Variants in BIRC6 observed in about 807,000 individuals in gnomAD.
The protein encoded by BIRC6 is baculoviral IAP repeat containing 6, also known as dual E2 ubiquitin-conjugating enzyme/E3 ubiquitin-protein ligase BIRC6.
A neutral mutation model predicts 503.3 loss-of-function variants in BIRC6; 98 were observed. That is an observed-to-expected ratio of 0.19 (90% CI 0.17 to 0.23). The LOEUF (loss-of-function observed/expected upper bound fraction) is 0.23, where lower values mean the gene tolerates loss of function less well. BIRC6 is among the 10% of genes least tolerant of loss of function. The pLI, the probability that BIRC6 is intolerant of heterozygous loss-of-function variation, is 1.00. For synonymous variants in BIRC6, 2,240 were observed against 2,078.7 expected (o/e 1.08, Z -2.11); for missense variants, 5,360 against 5,806.0 (o/e 0.92, Z 2.50).
At chr2:32,450,207 G>A (rs1344263457) in intron 22 of BIRC6, among the ~76,000 whole-genome samples, 5 of 152,106 alleles carry the variant, frequency 3.3e-5, no homozygotes, top group East Asian at 1.9e-4. Flanking sequence ...GGCCGGGCAC[G>A]GTGGCTCACG....
At chr2:32,548,056 T>C (rs777121026) in intron 64 of BIRC6, 42 bp downstream of exon 64, 2 of 1,484,432 alleles carry the variant, frequency 1.3e-6, no homozygotes, top group Non-Finnish European at 1.8e-6. Context: ...AATGGCTTTT[T>C]TTTTGTATTT....
chr2:32,404,587 T>G (rs1181524317), intron 8 of BIRC6, among the ~76,000 whole-genome samples: 1 of 152,162 alleles, frequency 6.6e-6, no homozygotes, highest in Non-Finnish European at 1.5e-5. Context: ...GTGCTGGGAT[T>G]ATAGGTGTGA....
chr2:32,394,425 A>G (rs182087465), intron 5 of BIRC6, among the ~76,000 whole-genome samples: 1 of 152,148 alleles, frequency 6.6e-6, no homozygotes, highest in East Asian at 1.9e-4. Context: ...TATATATAGC[A>G]TTTTGTCCTA....
intron 16 of BIRC6, 61 bp from the exon 17 acceptor site, chr2:32,441,268 A>G (rs578186651): frequency 1.7e-5 from 20 of 1,204,706 alleles, no homozygotes; most frequent in African/African-American, 9.3e-5. Context: ...TATAACTTCA[A>G]TGGTAAATGA....
intron 54 of BIRC6, 73 bp from the exon 55 acceptor site, chr2:32,514,917 T>C (rs1336686396): frequency 8.2e-7 from 1 of 1,221,310 alleles, no homozygotes; most frequent in Non-Finnish European, 1.1e-6. Flanking sequence ...CTTTGAACTA[T>C]AACAGAAATA....
chr2:32,413,449 G>A (rs1336731982), intron 9 of BIRC6, among the ~76,000 whole-genome samples: 2 of 151,952 alleles, frequency 1.3e-5, no homozygotes, highest in African/African-American at 4.8e-5. Flanking sequence ...CAAAGTGCTG[G>A]GATTACAGGC....
intron 1 of BIRC6, among the ~76,000 whole-genome samples, chr2:32,360,020 C>T (rs1216474331): frequency 6.6e-6 from 1 of 152,208 alleles, no homozygotes. Flanking sequence ...TAGAGGGTGA[C>T]AGCCCTATAA....
chr2:32,491,966 A>T (rs2051779351), intron 44 of BIRC6, among the ~76,000 whole-genome samples: 1 of 152,110 alleles, frequency 6.6e-6, no homozygotes, highest in African/African-American at 2.4e-5. Context: ...TGCTTAGCAA[A>T]AGATAACAAT....
Position 32,549,348 on chromosome 2 carries a change from G to A in BIRC6, c.13011G>A (p.Ala4337=), listed in dbSNP as rs745575386. 20 of 1,476,944 alleles carry A rather than the reference G, an allele frequency of 1.4e-5. No homozygotes were observed. The highest frequency in any genetic ancestry group is 9.6e-5 in the African/African-American group (7 of 72,550). The allele number at this position is 1,476,944 out of a possible 1,614,324, so 91.5% of individuals were successfully genotyped here. Residue 4337 remains alanine, a synonymous_variant, in exon 65 of 74, where the codon GCG becomes GCA. Transcript: ENST00000421745. The part of the protein sequence containing the change: ...LASYINPVSS[A]VNGEAQSSHE... ...GTTACATAAATCCCGTCAGTAGTGC[G>A]GTAAATGGAGAAGCTCAGTCATCTC...
rs954601032 is a variant in BIRC6, at chr2:32,401,449, T to C, written c.1258-14T>C. On this transcript the variant is annotated splice_polypyrimidine_tract_variant and intron_variant, in intron 7 of 73. Transcript: ENST00000421745. ...AAAAGATCAGTTGTAAACTTAGGCT[T>C]TTCATTTGTTTAGGTGCACTTAAAG... 4.3e-6 allele frequency: 7 copies of C among 1,612,972 alleles called. No individual in the cohort carries two copies. In the African/African-American group the frequency reaches 8.0e-5, roughly 18 times the overall value.
Position 32,607,583 on chromosome 2 carries a change from A to G in BIRC6, c.14199A>G (p.Gln4733=). The part of the protein sequence containing the change: ...SSREYDGNIR[Q]ATVKWAMLEQ... ...GAGAATATGATGGAAACATTCGACA[A>G]GCAACAGTTAAGTGGGCAATGCTAG... The change falls in exon 72 of 74, where the codon CAA becomes CAG. Residue 4733 remains glutamine (Q), a synonymous_variant. Transcript: ENST00000421745. The G allele has an allele frequency of 6.2e-7, 1 of 1,613,934 alleles. No individual in the cohort carries two copies. Among genetic ancestry groups the G allele is most frequent in the Non-Finnish European group, 8.5e-7 (1 of 1,179,830 alleles).
In BIRC6 at chr2:32,488,728, G is replaced by T; in HGVS notation, c.8095+14G>T. On this transcript the variant is annotated intron_variant, in intron 42 of 73. Coordinates refer to ENST00000421745, the MANE Select transcript of BIRC6 (RefSeq NM_016252.4). Reference sequence around the variant, plus strand: ...CATTAAATCAAGGTAAGATTTATTAGGAGAAAAACATTATAGTCTAAATAG... The same window carrying T: ...CATTAAATCAAGGTAAGATTTATTATGAGAAAAACATTATAGTCTAAATAG... The T allele has an allele frequency of 7.4e-7, 1 of 1,352,004 alleles. No homozygotes were observed. Among genetic ancestry groups the T allele is most frequent in the South Asian group, 1.4e-5 (1 of 71,218 alleles). The allele number at this position is 1,352,004 out of a possible 1,614,324, so 83.8% of individuals were successfully genotyped here.
intron 22 of BIRC6, among the ~76,000 whole-genome samples, chr2:32,451,629 GC>G (rs370610387): frequency 2.6e-5 from 4 of 152,184 alleles, no homozygotes; most frequent in African/African-American, 9.7e-5. Flanking sequence ...TCTGTGGCAT[GC>G]CAAAGTACCA....
intron 11 of BIRC6, among the ~76,000 whole-genome samples, chr2:32,430,009 A>C (rs905903300): frequency 2.0e-5 from 3 of 152,196 alleles, no homozygotes; most frequent in African/African-American, 7.2e-5. Flanking sequence ...TGTAATGAAG[A>C]AATAAATAAT....
intron 54 of BIRC6, among the ~76,000 whole-genome samples, chr2:32,513,455 G>A (rs1204177997): frequency 1.3e-5 from 2 of 152,100 alleles, no homozygotes; most frequent in Non-Finnish European, 2.9e-5. Flanking sequence ...TATCTTTAAT[G>A]TACAACTCTG....
chr2:32,389,499 T>C (rs2038933719), intron 4 of BIRC6, among the ~76,000 whole-genome samples: 1 of 152,190 alleles, frequency 6.6e-6, no homozygotes, highest in Admixed American at 6.5e-5. Context: ...TCATTTTCTT[T>C]GGTAGAGGTT....
intron 65 of BIRC6, among the ~76,000 whole-genome samples, chr2:32,559,731 A>G (rs1393791706): frequency 6.6e-6 from 1 of 151,680 alleles, no homozygotes; most frequent in Non-Finnish European, 1.5e-5. Context: ...AAAAAAAAAA[A>G]AAAAATAAGG....
intron 3 of BIRC6, among the ~76,000 whole-genome samples, chr2:32,383,217 T>C (rs982583734): frequency 2.0e-5 from 3 of 149,908 alleles, no homozygotes; most frequent in Non-Finnish European, 4.4e-5. Context: ...TGGCTAACTT[T>C]TGTATTTTTA....
At chr2:32,550,883 C>A (rs1479435441) in intron 65 of BIRC6, among the ~76,000 whole-genome samples, 1 of 152,010 alleles carries the variant, frequency 6.6e-6, no homozygotes. Context: ...GATATTATAC[C>A]TTGGAACTGT....
Sources: allele counts gnomAD v4.1 joint callset (sites outside exome capture counted in the v4.1 genomes callset), GRCh38; gene constraint gnomAD v4.1.1; transcripts MANE v1.5; gene names NCBI Gene and HGNC (gene_info 2026-07-23, HGNC 2026-07-21).